The following SLIT3 variants were observed in gnomAD, a reference collection of about 807,000 sequenced individuals.
SLIT3 encodes the protein slit guidance ligand 3, also known as slit homolog 3 protein.
SLIT3 carries 68 observed loss-of-function variants against 184.0 expected under a neutral mutation model. That is an observed-to-expected ratio of 0.37 (90% CI 0.30 to 0.45). The LOEUF is 0.45. SLIT3 is among the 20% of genes least tolerant of loss of function. The pLI, the probability that SLIT3 is intolerant of heterozygous loss-of-function variation, is 1.00. For missense variants in SLIT3, 1,707 were observed against 2,026.0 expected, an observed-to-expected ratio of 0.84 and a Z score of 3.02; for synonymous variants, 831 against 828.6, an observed-to-expected ratio of 1.00 and a Z score of -0.05.
chr5:168,836,339 T>G (rs1177325689), intron 6 of SLIT3, among the ~76,000 whole-genome samples: 2 of 152,116 alleles, frequency 1.3e-5, no homozygotes, highest in Non-Finnish European at 2.9e-5. Context: ...CTAAACATTC[T>G]CAAATACTGG....
chr5:169,142,040 A>G (rs1761760880), intron 4 of SLIT3, among the ~76,000 whole-genome samples: 1 of 144,080 alleles, frequency 6.9e-6, no homozygotes, highest in African/African-American at 2.7e-5. Context: ...GCAGAGCGAG[A>G]CTCCTACTCA....
At position 168,717,000 on chromosome 5, in the gene SLIT3, G is replaced by A. The variant is rs1374835262; in HGVS notation, c.2484-4646C>T. Among the ~76,000 whole-genome samples the A allele has an allele frequency of 6.6e-5, 9 of 137,098 alleles. 1 individual carries two copies. Among genetic ancestry groups the A allele is most frequent in the African/African-American group, 2.3e-4 (8 of 34,486 alleles). The allele number at this position is 137,098 out of a possible 152,430, so 89.9% of individuals were successfully genotyped here. ...CCTGTAGCTTCTTGTGATTCCCCCA[G>A]TGCATATGCCTTTCCTGACTTCAGG... On this transcript the variant is annotated intron_variant, in intron 23 of 35. Coordinates refer to ENST00000519560, the MANE Select transcript of SLIT3 (RefSeq NM_003062.4).
intron 5 of SLIT3, among the ~76,000 whole-genome samples, chr5:168,861,255 CA>C (rs1432448587): frequency 6.6e-6 from 1 of 152,036 alleles, no homozygotes; most frequent in African/African-American, 2.4e-5. Flanking sequence ...TTCCCTCCCC[CA>C]TCCCCCCATC....
At chr5:168,935,832 C>T (rs953054338) in intron 4 of SLIT3, among the ~76,000 whole-genome samples, 1 of 152,148 alleles carries the variant, frequency 6.6e-6, no homozygotes, top group Non-Finnish European at 1.5e-5. Context: ...AACTGTGGTA[C>T]GGTTTCTTTG....
chr5:169,175,871 T>C (rs956332468), intron 4 of SLIT3, among the ~76,000 whole-genome samples: 1 of 152,160 alleles, frequency 6.6e-6, no homozygotes, highest in African/African-American at 2.4e-5. Context: ...GAGCCATGAC[T>C]ATGTCTCCAT....
intron 4 of SLIT3, among the ~76,000 whole-genome samples, chr5:168,894,267 G>C (rs1760577497): frequency 6.6e-6 from 1 of 152,210 alleles, no homozygotes; most frequent in South Asian, 2.1e-4. Context: ...GCAATGTAGT[G>C]TTTTATGATG....
At chr5:168,714,361 G>A (rs4615314) in intron 23 of SLIT3, among the ~76,000 whole-genome samples, 77,832 of 152,028 alleles carry the variant, frequency 0.51, 20,199 homozygotes, top group East Asian at 0.76. Flanking sequence ...TTAAAACACC[G>A]AAGGACCCAA....
Position 169,300,841 on chromosome 5 carries a change from C to G in SLIT3, c.-132G>C, listed in dbSNP as rs1383145896. The G allele has an allele frequency of 3.1e-6, 3 of 953,626 alleles. No individual in the cohort carries two copies. Among genetic ancestry groups the G allele is most frequent in the African/African-American group, 1.7e-5 (1 of 57,754 alleles). The allele number at this position is 953,626 out of a possible 1,614,324, so 59.1% of individuals were successfully genotyped here. A position where few individuals can be genotyped will look rare whatever the true frequency, so the allele number is the denominator to read the frequency against. On this transcript the variant is annotated 5_prime_UTR_variant, in exon 1 of 36. Transcript: ENST00000519560. The surrounding 1 kb of genome is among the most constrained non-coding windows in gnomAD (Gnocchi z 4.1). ...AGTTAGCGCGGAGGAGGGGCGAGCT[C>G]GGTGCTCAGGCGCACGGGGCGCGGG...
At chr5:169,260,233 C>T (rs1432615566) in intron 1 of SLIT3, among the ~76,000 whole-genome samples, 1 of 152,148 alleles carries the variant, frequency 6.6e-6, no homozygotes, top group African/African-American at 2.4e-5. Flanking sequence ...AAGAGGCCCC[C>T]ATAGCACTTC....
intron 4 of SLIT3, among the ~76,000 whole-genome samples, chr5:168,956,552 T>C (rs1207084542): frequency 6.6e-6 from 1 of 152,112 alleles, no homozygotes; most frequent in African/African-American, 2.4e-5. Flanking sequence ...TCCCAGCACA[T>C]TGGGAGGCCA....
At chr5:168,835,487 A>C (rs1758018992) in intron 6 of SLIT3, among the ~76,000 whole-genome samples, 2 of 151,968 alleles carry the variant, frequency 1.3e-5, no homozygotes, top group Non-Finnish European at 2.9e-5. Flanking sequence ...CAAAAAAAAA[A>C]AAAAAGTGTT....
intron 8 of SLIT3, among the ~76,000 whole-genome samples, chr5:168,808,489 A>T (rs1217503873): frequency 1.3e-5 from 2 of 152,220 alleles, no homozygotes; most frequent in Non-Finnish European, 2.9e-5. Flanking sequence ...TTGTGAAGGC[A>T]AAGGTAGGTA....
intron 4 of SLIT3, among the ~76,000 whole-genome samples, chr5:168,927,966 G>A (rs995545129): frequency 6.6e-6 from 1 of 152,196 alleles, no homozygotes; most frequent in Admixed American, 6.5e-5. Context: ...ATCTGGCTTA[G>A]TTTGTCCCTT....
chr5:168,683,870 C>G (rs1761665426), intron 32 of SLIT3, 96 bp downstream of exon 32: 4 of 1,214,246 alleles, frequency 3.3e-6, no homozygotes, highest in Non-Finnish European at 4.4e-6. Context: ...AGAAGGGACA[C>G]CCGAGTTCTC....
At position 168,662,400 on chromosome 5, in the gene SLIT3, T is replaced by A. The variant is rs1760891456; in HGVS notation, c.*4054A>T. ...GCTTTGTTTCTGGTGAAGGGAAAGG[T>A]TAGATCATCCTGGTCCTGGCCTTTC... On this transcript the variant is annotated 3_prime_UTR_variant, in exon 36 of 36. Coordinates refer to ENST00000519560, the MANE Select transcript of SLIT3 (RefSeq NM_003062.4). 6.6e-6 allele frequency: 1 copy of A among 152,168 alleles called. No individual in the cohort carries two copies. Among genetic ancestry groups the A allele is most frequent in the Non-Finnish European group, 1.5e-5 (1 of 68,052 alleles). 9.4% of individuals were successfully genotyped at this position (152,168 alleles called of 1,614,324 possible). A position where few individuals can be genotyped will look rare whatever the true frequency, so the allele number is the denominator to read the frequency against.
At chr5:168,676,846 A>G (rs1189661323) in intron 32 of SLIT3, among the ~76,000 whole-genome samples, 1 of 152,218 alleles carries the variant, frequency 6.6e-6, no homozygotes, top group African/African-American at 2.4e-5. Flanking sequence ...ACACACACAC[A>G]CAGACACAGC....
chr5:169,204,643 C>T (rs1443453056), intron 3 of SLIT3, among the ~76,000 whole-genome samples: 1 of 152,144 alleles, frequency 6.6e-6, no homozygotes, highest in Non-Finnish European at 1.5e-5. Context: ...AGAGACGGGT[C>T]ACCTGTGGCA....
chr5:169,182,477 C>A (rs1420971558), intron 4 of SLIT3, among the ~76,000 whole-genome samples: 1 of 152,134 alleles, frequency 6.6e-6, no homozygotes. Flanking sequence ...ATAGGAAAGC[C>A]AGAAGAAAGA....
intron 4 of SLIT3, among the ~76,000 whole-genome samples, chr5:169,044,272 T>C (rs1476949885): frequency 6.6e-6 from 1 of 152,210 alleles, no homozygotes; most frequent in African/African-American, 2.4e-5. Flanking sequence ...TGTGACCCAG[T>C]AATCCTGCTC....
Sources: allele counts gnomAD v4.1 joint callset (sites outside exome capture counted in the v4.1 genomes callset), GRCh38; gene constraint gnomAD v4.1.1; non-coding constraint Gnocchi (gnomAD v3.1); transcripts MANE v1.5; gene names NCBI Gene and HGNC (gene_info 2026-07-23, HGNC 2026-07-21).